Variants in SLC35A1 observed in about 807,000 individuals in gnomAD.
SLC35A1 encodes solute carrier family 35 member A1, also known as CMP-sialic acid transporter.
In SLC35A1, 21 loss-of-function variants were observed where a neutral mutation model predicts 40.3. The ratio of observed to expected loss-of-function variants is 0.52; its 90% confidence interval spans 0.37 to 0.75. SLC35A1 has a LOEUF of 0.75. Among genes scored for constraint, SLC35A1 ranks in the 30% least tolerant of loss-of-function variants. The pLI, the probability that SLC35A1 is intolerant of heterozygous loss-of-function variation, is 0.00. For missense variants in SLC35A1, 297 were observed against 382.1 expected (o/e 0.78, Z 1.86); for synonymous variants, 146 against 147.3 (o/e 0.99, Z 0.06).
chr6:87,478,178 A>G (rs2300899), intron 2 of SLC35A1, among the ~76,000 whole-genome samples: 57,747 of 152,032 alleles, frequency 0.38, 11,047 homozygotes, highest in Admixed American at 0.46. Context: ...CTTTGAATCA[A>G]AAACATCATG....
intron 2 of SLC35A1, among the ~76,000 whole-genome samples, chr6:87,490,435 G>A (rs1415333399): frequency 1.3e-5 from 2 of 149,856 alleles, no homozygotes; most frequent in Non-Finnish European, 3.0e-5. Flanking sequence ...CTGGGTGCAA[G>A]TGATTCTCCT....
At chr6:87,507,529 C>T (rs1190402642) in intron 5 of SLC35A1, among the ~76,000 whole-genome samples, 1 of 152,062 alleles carries the variant, frequency 6.6e-6, no homozygotes, top group Non-Finnish European at 1.5e-5. Context: ...ATGCTTCTCC[C>T]AGAAGGTAAA....
At chr6:87,494,550 G>T (rs1196444431) in intron 2 of SLC35A1, among the ~76,000 whole-genome samples, 1 of 151,838 alleles carries the variant, frequency 6.6e-6, no homozygotes, top group Admixed American at 6.6e-5. Flanking sequence ...AGCCTCGCGA[G>T]GAGCTGGGAC....
At position 87,483,796 on chromosome 6, in the gene SLC35A1, A is replaced by T. The variant is rs900722500; in HGVS notation, c.194+6257A>T. 4.6e-5 allele frequency among the ~76,000 whole-genome samples: 7 copies of T among 152,164 alleles called. No individual in the cohort carries two copies. In the South Asian group the frequency reaches 1.5e-3, roughly 32 times the overall value. Reference sequence around the variant, plus strand: ...CTTTCCCCCTCTGAAGGTCCCTTGCACACTTCCCACTCATGTTGTCCTCTC... The same window carrying T: ...CTTTCCCCCTCTGAAGGTCCCTTGCTCACTTCCCACTCATGTTGTCCTCTC... On this transcript the variant is annotated intron_variant, in intron 2 of 7. Transcript: ENST00000369552.
At chr6:87,493,462 T>TTGTGTGTGTG (rs71018022) in intron 2 of SLC35A1, among the ~76,000 whole-genome samples, 21 of 150,540 alleles carry the variant, frequency 1.4e-4, no homozygotes, top group Non-Finnish European at 2.1e-4. Flanking sequence ...CTAAATCTAG[T>TTGTGTGTGTG]TGTGTGTGTG....
At chr6:87,508,334 T>TA in intron 5 of SLC35A1, 86 bp from the exon 6 acceptor site, 1 of 870,578 alleles carries the variant, frequency 1.1e-6, no homozygotes, top group Non-Finnish European at 1.8e-6. Context: ...ATACTTTATA[T>TA]ATCTCTAGGG....
At chr6:87,505,155 C>T (rs1770038974) in intron 4 of SLC35A1, among the ~76,000 whole-genome samples, 1 of 152,170 alleles carries the variant, frequency 6.6e-6, no homozygotes, top group African/African-American at 2.4e-5. Context: ...CTCCTTTTAT[C>T]TTCATGCAAA....
intron 4 of SLC35A1, among the ~76,000 whole-genome samples, chr6:87,505,932 T>G (rs975694602): frequency 2.6e-5 from 4 of 152,200 alleles, no homozygotes; most frequent in Non-Finnish European, 5.9e-5. Context: ...TACTAAAAAT[T>G]CAATAAATTG....
intron 2 of SLC35A1, among the ~76,000 whole-genome samples, chr6:87,498,740 A>G (rs113725700): frequency 0.13 from 19,989 of 152,226 alleles, 1,467 homozygotes; most frequent in African/African-American, 0.2. Context: ...ATTGCACTCC[A>G]GGTTGGGTGA....
intron 2 of SLC35A1, among the ~76,000 whole-genome samples, chr6:87,494,087 T>A (rs1398238565): frequency 1.4e-5 from 2 of 147,660 alleles, no homozygotes; most frequent in East Asian, 2.0e-4. Context: ...TTTTTTTTTT[T>A]AACACAAGTA....
At chr6:87,499,792 TG>T (rs1390993762) in intron 2 of SLC35A1, among the ~76,000 whole-genome samples, 3 of 152,112 alleles carry the variant, frequency 2.0e-5, no homozygotes, top group Non-Finnish European at 4.4e-5. Context: ...CCTTTTTATT[TG>T]CAATTAAATC....
chr6:87,508,929 A>G, intron 6 of SLC35A1, 112 bp from the exon 7 acceptor site: 1 of 1,156,652 alleles, frequency 8.6e-7, no homozygotes, highest in Non-Finnish European at 1.3e-6. Context: ...GGAAAACAGT[A>G]TTTTCCTTTT....
At chr6:87,505,237 G>A (rs1770042786) in intron 4 of SLC35A1, among the ~76,000 whole-genome samples, 1 of 152,052 alleles carries the variant, frequency 6.6e-6, no homozygotes, top group African/African-American at 2.4e-5. Flanking sequence ...TATTTATTTT[G>A]AACAAGGTAT....
intron 2 of SLC35A1, among the ~76,000 whole-genome samples, chr6:87,479,855 C>G (rs1401434180): frequency 2.0e-5 from 3 of 152,190 alleles, no homozygotes; most frequent in African/African-American, 2.4e-5. Flanking sequence ...TTAAATTGAT[C>G]TGGTATTCCC....
chr6:87,479,638 G>A (rs558398230), intron 2 of SLC35A1, among the ~76,000 whole-genome samples: 1 of 152,280 alleles, frequency 6.6e-6, no homozygotes, highest in African/African-American at 2.4e-5. Context: ...TCCTCTTTCT[G>A]CTAATATCAT....
chr6:87,474,765 A>G (rs756567108), intron 1 of SLC35A1, among the ~76,000 whole-genome samples: 14 of 152,194 alleles, frequency 9.2e-5, no homozygotes, highest in Non-Finnish European at 1.6e-4. Context: ...TCAAAGCCCA[A>G]TCTGTTTTGC....
chr6:87,492,512 A>G (rs1168796465), intron 2 of SLC35A1, among the ~76,000 whole-genome samples: 1 of 145,722 alleles, frequency 6.9e-6, no homozygotes, highest in Non-Finnish European at 1.5e-5. Flanking sequence ...TGTACGTGGT[A>G]TCTATTTGTT....
intron 2 of SLC35A1, among the ~76,000 whole-genome samples, chr6:87,479,782 T>G (rs1052272607): frequency 6.6e-6 from 1 of 152,214 alleles, no homozygotes; most frequent in Non-Finnish European, 1.5e-5. Flanking sequence ...CCAATCTATG[T>G]TTTTATTAAT....
intron 2 of SLC35A1, among the ~76,000 whole-genome samples, chr6:87,478,103 CT>C (rs3216663): frequency 0.09 from 13,630 of 152,232 alleles, 636 homozygotes; most frequent in African/African-American, 0.12. Flanking sequence ...TACTTTACCC[CT>C]GTTTTATTGA....
Sources: allele counts gnomAD v4.1 joint callset (sites outside exome capture counted in the v4.1 genomes callset), GRCh38; gene constraint gnomAD v4.1.1; transcripts MANE v1.5; gene names NCBI Gene and HGNC (gene_info 2026-07-23, HGNC 2026-07-21).